Variants in C12orf60 observed in about 807,000 individuals in gnomAD.
C12orf60 encodes chromosome 12 open reading frame 60.
For missense variants in C12orf60, 284 were observed against 283.2 expected (o/e 1.00, Z -0.02); for synonymous variants, 102 against 94.6 (o/e 1.08, Z -0.45).
chr12:14,810,027 C>G (rs1950111983), intron 1 of C12orf60, among the ~76,000 whole-genome samples: 2 of 152,168 alleles, frequency 1.3e-5, no homozygotes, highest in South Asian at 2.1e-4. Flanking sequence ...TTCGTGGGAT[C>G]TAGACATCAG....
chr12:14,821,837 G>T (rs1950309888), intron 1 of C12orf60, among the ~76,000 whole-genome samples: 1 of 151,892 alleles, frequency 6.6e-6, no homozygotes, highest in Non-Finnish European at 1.5e-5. Context: ...AGAGAAAGAA[G>T]CCTGCAAGGT....
In C12orf60 at chr12:14,823,820, A is replaced by T. The variant is rs1950344215; in HGVS notation, c.*147A>T. 1 of 591,334 alleles carries T rather than the reference A, an allele frequency of 1.7e-6. No individual in the cohort carries two copies. Among genetic ancestry groups the T allele is most frequent in the Non-Finnish European group, 2.6e-6 (1 of 377,816 alleles). The allele number at this position is 591,334 out of a possible 1,614,324, so 36.6% of individuals were successfully genotyped here. A position where few individuals can be genotyped will look rare whatever the true frequency, so the allele number is the denominator to read the frequency against. ...GTCATCTGGCAAAACATTTACCTGT[A>T]GTTTTGCTTTATTAAAATAAAAAGA... On this transcript the variant is annotated 3_prime_UTR_variant, in exon 2 of 2. Transcript: ENST00000330828.
chr12:14,815,348 A>C (rs559663472), intron 1 of C12orf60, among the ~76,000 whole-genome samples: 281 of 152,222 alleles, frequency 1.8e-3, no homozygotes, highest in Middle Eastern at 0.01. Context: ...GGATTTTAAT[A>C]GATGTTTGGG....
intron 1 of C12orf60, chr12:14,806,067 G>T: frequency 1.2e-6 from 2 of 1,614,142 alleles, no homozygotes; most frequent in African/African-American, 1.3e-5. Context: ...TTTTTCTGAG[G>T]CTGATTTGAA....
chr12:14,806,108 GGCT>G (rs760359895), intron 1 of C12orf60: 2 of 1,614,004 alleles, frequency 1.2e-6, no homozygotes, highest in African/African-American at 2.7e-5. Flanking sequence ...AACTTTTGAT[GGCT>G]GCTTGAAGCT....
intron 1 of C12orf60, among the ~76,000 whole-genome samples, chr12:14,819,970 A>C (rs1950280333): frequency 6.6e-6 from 1 of 152,080 alleles, no homozygotes; most frequent in African/African-American, 2.4e-5. Context: ...TGTTTGTTTG[A>C]ATTCACAAGT....
chr12:14,817,302 G>GA (rs1488948876), intron 1 of C12orf60, among the ~76,000 whole-genome samples: 5 of 152,078 alleles, frequency 3.3e-5, no homozygotes, highest in Non-Finnish European at 5.9e-5. Context: ...ACCATTCATT[G>GA]AAAAACCCTA....
intron 1 of C12orf60, chr12:14,805,066 A>G (rs1261978099): frequency 6.6e-6 from 1 of 152,268 alleles, no homozygotes. Flanking sequence ...AAAATCAGGT[A>G]ATTAGTGAAA....
intron 1 of C12orf60, among the ~76,000 whole-genome samples, chr12:14,815,585 T>A (rs1338620519): frequency 2.0e-5 from 3 of 152,212 alleles, no homozygotes; most frequent in African/African-American, 7.2e-5. Context: ...TAGATAATAA[T>A]GAACCATTAA....
At chr12:14,811,348 C>G (rs1950132834) in intron 1 of C12orf60, among the ~76,000 whole-genome samples, 1 of 152,058 alleles carries the variant, frequency 6.6e-6, no homozygotes, top group African/African-American at 2.4e-5. Flanking sequence ...CTTTGCTGGA[C>G]TGGAGCAGCT....
chr12:14,816,367 A>G (rs1000596666), intron 1 of C12orf60, among the ~76,000 whole-genome samples: 3 of 152,184 alleles, frequency 2.0e-5, no homozygotes, highest in Non-Finnish European at 4.4e-5. Flanking sequence ...CTCAAAAACC[A>G]TATATTACAT....
At chr12:14,821,448 C>T (rs1293243915) in intron 1 of C12orf60, among the ~76,000 whole-genome samples, 2 of 152,164 alleles carry the variant, frequency 1.3e-5, no homozygotes, top group Non-Finnish European at 2.9e-5. Flanking sequence ...GTTGGGGCCA[C>T]ATCACCTCCA....
intron 1 of C12orf60, chr12:14,805,732 A>G (rs1592228052): frequency 2.6e-6 from 1 of 390,646 alleles, no homozygotes; most frequent in East Asian, 4.3e-5. Flanking sequence ...GATAGCATTT[A>G]CCCCAATGTT....
chr12:14,805,742 T>C (rs1315460915), intron 1 of C12orf60: 32 of 424,846 alleles, frequency 7.5e-5, no homozygotes, highest in Non-Finnish European at 4.2e-6. Context: ...ACCCCAATGT[T>C]GATCTGGTAG....
chr12:14,820,948 GTTTTAA>G (rs1950296206), intron 1 of C12orf60, among the ~76,000 whole-genome samples: 1 of 151,940 alleles, frequency 6.6e-6, no homozygotes, highest in African/African-American at 2.4e-5. Context: ...AAAGGTCATT[GTTTTAA>G]TTTTAATTTC....
At chr12:14,817,424 C>T (rs1231989389) in intron 1 of C12orf60, among the ~76,000 whole-genome samples, 1 of 152,154 alleles carries the variant, frequency 6.6e-6, no homozygotes, top group Non-Finnish European at 1.5e-5. Flanking sequence ...CACAGGTATA[C>T]ATGTGCCATG....
Position 14,823,351 on chromosome 12 carries a change from C to G in C12orf60, c.416C>G (p.Ser139Cys), listed in dbSNP as rs1285653417. Residue 139 changes from serine to cysteine, a missense_variant, in exon 2 of 2, where the codon TCT becomes TGT. Transcript: ENST00000330828. ...AACATCCTTGGGAGTCTGGAATCTT[C>G]TCTTTCACACTTGATGAAATTCCCC... ...SSNILGSLES[S>C]LSHLMKFPIM... The G allele has an allele frequency of 1.2e-5, 19 of 1,614,010 alleles. No individual in the cohort carries two copies. The highest frequency in any genetic ancestry group is 1.5e-5 in the Non-Finnish European group (18 of 1,180,028).
At chr12:14,822,865 C>T in intron 1 of C12orf60, 47 bp from the exon 2 acceptor site, 2 of 1,474,082 alleles carry the variant, frequency 1.4e-6, no homozygotes, top group African/African-American at 1.4e-5. Flanking sequence ...TTTATGGTTG[C>T]CAAATCGACT....
chr12:14,807,907 T>C (rs1238993574), intron 1 of C12orf60, among the ~76,000 whole-genome samples: 1 of 152,224 alleles, frequency 6.6e-6, no homozygotes, highest in East Asian at 1.9e-4. Context: ...GGCTCAGGCC[T>C]GTAATCCCAG....
Sources: gnomAD v4.1 joint callset for allele counts (sites outside exome capture counted in the v4.1 genomes callset) on GRCh38, gnomAD v4.1.1 for gene constraint, MANE v1.5 for transcripts, NCBI Gene and HGNC (gene_info 2026-07-23, HGNC 2026-07-21) for gene names.